PRRC2B: variants seen among roughly 807,000 people sequenced by gnomAD.
The protein encoded by PRRC2B is proline rich coiled-coil 2B.
PRRC2B carries 68 observed loss-of-function variants against 242.3 expected under a neutral mutation model. The observed-to-expected ratio is 0.28, with a 90% CI of 0.23 to 0.34. The LOEUF is 0.34. Among genes scored for constraint, PRRC2B ranks in the 10% least tolerant of loss-of-function variants. The probability of loss-of-function intolerance (pLI) is 1.00; values close to 1 mark genes in which losing one functional copy is unlikely to be tolerated. For missense variants in PRRC2B, 2,835 were observed against 2,954.8 expected (o/e 0.96, Z 0.94); for synonymous variants, 1,228 against 1,173.6 (o/e 1.05, Z -0.95).
chr9:131,414,600 CT>C (rs1837595193), intron 1 of PRRC2B, among the ~76,000 whole-genome samples: 1 of 146,946 alleles, frequency 6.8e-6, no homozygotes, highest in Non-Finnish European at 1.5e-5. Context: ...GATGGAGTCT[CT>C]GCTGTGTCGC....
At chr9:131,453,407 A>G (rs1052345677) in intron 9 of PRRC2B, among the ~76,000 whole-genome samples, 4 of 151,960 alleles carry the variant, frequency 2.6e-5, no homozygotes, top group Non-Finnish European at 1.5e-5. Context: ...ATTTTAATTT[A>G]ATTTATTTTT....
At chr9:131,485,610 C>T (rs1055428446) in intron 25 of PRRC2B, 9 of 531,354 alleles carry the variant, frequency 1.7e-5, no homozygotes, top group Admixed American at 3.9e-5. Flanking sequence ...CCATCCTTAT[C>T]GTGTGCCAGT....
chr9:131,415,368 C>T (rs1373139910), intron 1 of PRRC2B, among the ~76,000 whole-genome samples: 1 of 151,560 alleles, frequency 6.6e-6, no homozygotes, highest in Non-Finnish European at 1.5e-5. Context: ...TTGGGTGCAC[C>T]CATTCTGAAC....
chr9:131,491,363 G>T, intron 28 of PRRC2B, 62 bp from the exon 29 acceptor site: 26 of 1,456,718 alleles, frequency 1.8e-5, no homozygotes, highest in Non-Finnish European at 2.1e-5. Flanking sequence ...GTCGCTCTTT[G>T]GTGCGTTTGG....
chr9:131,478,631 A>AGGGGGGGGGGGGGGGGGGGGGG lies in PRRC2B; in HGVS notation c.4758+15_4758+16insGGGGGGGGGGGGGGGGGGGGGG. 5.0e-6 allele frequency: 1 copy of AGGGGGGGGGGGGGGGGGGGGGG among 200,900 alleles called. No homozygotes were observed. Among genetic ancestry groups the AGGGGGGGGGGGGGGGGGGGGGG allele is most frequent in the Non-Finnish European group, 9.1e-6 (1 of 110,452 alleles). 12.4% of individuals were successfully genotyped at this position (200,900 alleles called of 1,614,324 possible). ...AGCAGGCCGTGCAGGTGAGGGGCGGAGGGTGGGGGGGCATGGGGCTGGAGG... is the reference window on the plus strand; with the variant it reads ...AGCAGGCCGTGCAGGTGAGGGGCGGAGGGGGGGGGGGGGGGGGGGGGGGGGTGGGGGGGCATGGGGCTGGAGG... On this transcript the variant is annotated intron_variant, in intron 18 of 31. Transcript: ENST00000683519.
intron 23 of PRRC2B, among the ~76,000 whole-genome samples, chr9:131,484,109 G>C (rs1401248835): frequency 6.6e-6 from 1 of 152,228 alleles, no homozygotes; most frequent in Non-Finnish European, 1.5e-5. Flanking sequence ...CTTTACTCGA[G>C]AGTCTGCGGT....
At chr9:131,391,668 T>C (rs184442879), upstream of PRRC2B, among the ~76,000 whole-genome samples, 1 of 152,364 alleles carries the variant, frequency 6.6e-6, no homozygotes, top group Non-Finnish European at 1.5e-5. Context: ...TGAGTGACTC[T>C]ATAGGGAGTG....
intron 1 of PRRC2B, among the ~76,000 whole-genome samples, chr9:131,403,896 C>T (rs1010454580): frequency 3.9e-5 from 6 of 151,954 alleles, no homozygotes; most frequent in South Asian, 4.1e-4. Context: ...TTTTTCCATA[C>T]GTATTTTTAA....
At chr9:131,420,501 T>TTCTTTCTTTCTTTCTTTCTTTC (rs1588242598) in intron 1 of PRRC2B, among the ~76,000 whole-genome samples, 3 of 19,022 alleles carry the variant, frequency 1.6e-4, no homozygotes, top group South Asian at 2.1e-3. Context: ...TTCTTTTTTT[T>TTCTTTCTTTCTTTCTTTCTTTC]TTTTTTTTTG....
chr9:131,410,116 C>T (rs1013862797), intron 1 of PRRC2B, among the ~76,000 whole-genome samples: 5 of 152,138 alleles, frequency 3.3e-5, no homozygotes, highest in African/African-American at 1.2e-4. Context: ...TCATCTTCTT[C>T]CCCACCCCCC....
At position 131,475,596 on chromosome 9, in the gene PRRC2B, G is replaced by C; in HGVS notation, c.3467G>C (p.Gly1156Ala). 1 of 1,612,838 alleles carries C rather than the reference G, an allele frequency of 6.2e-7. No individual in the cohort carries two copies. Among genetic ancestry groups the C allele is most frequent in the Non-Finnish European group, 8.5e-7 (1 of 1,179,782 alleles). ...CGCCGGCAGAGGGGCTCCGAGAACGGGAATGAAGGCTCGCTCCTGGAGAGG... is the reference window on the plus strand; with the variant it reads ...CGCCGGCAGAGGGGCTCCGAGAACGCGAATGAAGGCTCGCTCCTGGAGAGG... ...KRRRQRGSEN[G>A]NEGSLLEREE... The change falls in exon 16 of 32, where the codon GGG becomes GCG. Residue 1156 changes from glycine to alanine, a missense_variant. By Grantham distance (60) the Gly-to-Ala change is moderately conservative. Around this residue, in one of 7 missense-constraint regions of PRRC2B, gnomAD observed 1,536 missense variants for 1,483.1 expected, o/e 1.04. Coordinates refer to ENST00000683519, the MANE Select transcript of PRRC2B (RefSeq NM_013318.4).
chr9:131,478,377 C>T (rs1453919841), intron 17 of PRRC2B, 97 bp from the exon 18 acceptor site: 34 of 1,203,842 alleles, frequency 2.8e-5, no homozygotes, highest in Non-Finnish European at 3.4e-5. Flanking sequence ...AGGTTTCTGT[C>T]GAGCCTGATG....
intron 5 of PRRC2B, among the ~76,000 whole-genome samples, chr9:131,443,177 A>G (rs2131382149): frequency 6.6e-6 from 1 of 151,028 alleles, no homozygotes; most frequent in Middle Eastern, 3.4e-3. Flanking sequence ...TCTGTTGCCC[A>G]GGCTGGAGTG....
chr9:131,483,307 T>C (rs1039060306), intron 22 of PRRC2B, 52 bp from the exon 23 acceptor site: 103 of 1,525,956 alleles, frequency 6.7e-5, no homozygotes, highest in Non-Finnish European at 8.4e-5. Flanking sequence ...CTCTGGGGAA[T>C]GTAGGGCCAG....
rs189814627 is a variant in PRRC2B, at chr9:131,427,432, G to A, written c.-51-2662G>A. ...TGCAAGCTCTGCTTCCCGGGTTCAC[G>A]CCATTCTCCTGCCTCAGCCTCACGA... On this transcript the variant is annotated intron_variant, in intron 1 of 31. Transcript: ENST00000683519. Among the ~76,000 whole-genome samples the A allele has an allele frequency of 3.0e-4, 46 of 152,168 alleles. No homozygotes were observed. In the East Asian group the frequency reaches 8.5e-3, roughly 28 times the overall value.
intron 9 of PRRC2B, among the ~76,000 whole-genome samples, chr9:131,451,050 G>A (rs1319970586): frequency 6.6e-6 from 1 of 152,114 alleles, no homozygotes; most frequent in Non-Finnish European, 1.5e-5. Flanking sequence ...TATTAGAAAT[G>A]ACATTGATTT....
At chr9:131,428,978 T>C (rs932165394) in intron 1 of PRRC2B, among the ~76,000 whole-genome samples, 1 of 152,176 alleles carries the variant, frequency 6.6e-6, no homozygotes, top group South Asian at 2.1e-4. Flanking sequence ...TTTTTTAAGA[T>C]GCAGTCTCGC....
intron 11 of PRRC2B, among the ~76,000 whole-genome samples, chr9:131,463,613 T>C (rs1430147537): frequency 1.4e-5 from 2 of 145,538 alleles, no homozygotes; most frequent in Non-Finnish European, 3.0e-5. Context: ...CCAAAAGAGA[T>C]TTTTTTTAGG....
intron 1 of PRRC2B, among the ~76,000 whole-genome samples, chr9:131,410,805 C>T (rs145595811): frequency 1.6e-4 from 25 of 152,244 alleles, no homozygotes; most frequent in African/African-American, 9.6e-5. Flanking sequence ...GTATTTATTA[C>T]ACTCCCTAGC....
Sources: allele counts gnomAD v4.1 joint callset (sites outside exome capture counted in the v4.1 genomes callset), GRCh38; gene constraint gnomAD v4.1.1; regional missense constraint gnomAD v4.1.1; transcripts MANE v1.5; gene names NCBI Gene and HGNC (gene_info 2026-07-23, HGNC 2026-07-21).